The following ARHGAP28 variants were observed in gnomAD, a reference collection of about 807,000 sequenced individuals.
ARHGAP28 encodes the protein rho GTPase-activating protein 28.
A neutral mutation model predicts 90.7 loss-of-function variants in ARHGAP28; 56 were observed. The ratio of observed to expected loss-of-function variants is 0.62; its 90% confidence interval spans 0.50 to 0.77. The LOEUF (loss-of-function observed/expected upper bound fraction) is 0.77, where lower values mean the gene tolerates loss of function less well. ARHGAP28 is among the 30% of genes least tolerant of loss of function. The pLI is 0.00. For missense variants in ARHGAP28, 869 were observed against 900.9 expected (o/e 0.96, Z 0.45); for synonymous variants, 308 against 323.3 (o/e 0.95, Z 0.51).
At chr18:6,730,759 T>TG (rs754198588) in intron 1 of ARHGAP28, among the ~76,000 whole-genome samples, 1 of 152,198 alleles carries the variant, frequency 6.6e-6, no homozygotes, top group African/African-American at 2.4e-5. Flanking sequence ...GATACATATT[T>TG]GGGGGAAGTT....
chr18:6,910,914 G>A (rs1460468565), intron 17 of ARHGAP28, among the ~76,000 whole-genome samples: 5 of 151,432 alleles, frequency 3.3e-5, no homozygotes, highest in South Asian at 2.1e-4. Flanking sequence ...GCGCGATCTC[G>A]GCTCACTGCA....
At chr18:6,835,358 C>T (rs1477269487) in intron 2 of ARHGAP28, among the ~76,000 whole-genome samples, 1 of 152,178 alleles carries the variant, frequency 6.6e-6, no homozygotes. Flanking sequence ...TAACTCTTAA[C>T]TTAAAGGGCT....
intron 1 of ARHGAP28, among the ~76,000 whole-genome samples, chr18:6,814,958 A>C (rs896981495): frequency 3.3e-5 from 5 of 152,150 alleles, no homozygotes; most frequent in Admixed American, 1.3e-4. Flanking sequence ...ATTCTCTTTC[A>C]TAGATTCCTT....
At chr18:6,856,281 GCAAA>G (rs2056952986) in intron 4 of ARHGAP28, among the ~76,000 whole-genome samples, 1 of 151,708 alleles carries the variant, frequency 6.6e-6, no homozygotes, top group African/African-American at 2.4e-5. Context: ...ATAATTTTTG[GCAAA>G]CAAATTATTT....
chr18:6,828,371 A>G, intron 2 of ARHGAP28, among the ~76,000 whole-genome samples: 1 of 149,660 alleles, frequency 6.7e-6, no homozygotes, highest in Non-Finnish European at 1.5e-5. Context: ...CCGTGGGGAG[A>G]GGGAGAGACA....
At chr18:6,769,731 A>G (rs1379565576) in intron 1 of ARHGAP28, among the ~76,000 whole-genome samples, 3 of 152,320 alleles carry the variant, frequency 2.0e-5, no homozygotes, top group African/African-American at 7.2e-5. Flanking sequence ...TATACTGCAC[A>G]CTACCTTTGT....
intron 2 of ARHGAP28, 72 bp downstream of exon 2, chr18:6,825,036 G>A (rs2056652447): frequency 1.5e-6 from 2 of 1,322,860 alleles, no homozygotes; most frequent in South Asian, 1.5e-5. Context: ...TCTGTTCATA[G>A]GCAGAAATCA....
chr18:6,865,238 C>T (rs1052210006), intron 5 of ARHGAP28, among the ~76,000 whole-genome samples: 3 of 152,126 alleles, frequency 2.0e-5, no homozygotes, highest in Admixed American at 6.6e-5. Context: ...TTAATGTTCT[C>T]ATTGTCTTAA....
intron 1 of ARHGAP28, among the ~76,000 whole-genome samples, chr18:6,736,925 T>C (rs1753200246): frequency 6.6e-6 from 1 of 150,540 alleles, no homozygotes; most frequent in Admixed American, 6.6e-5. Context: ...GGAGATGTTA[T>C]CTGAACATCT....
At chr18:6,890,605 G>A (rs931139338) in intron 14 of ARHGAP28, 62 bp downstream of exon 14, 86 of 993,422 alleles carry the variant, frequency 8.7e-5, no homozygotes, top group Non-Finnish European at 1.2e-4. Context: ...CTCAAAGGGG[G>A]GCACAAAGTA....
chr18:6,878,461 A>G (rs1287259546), intron 10 of ARHGAP28, among the ~76,000 whole-genome samples: 2 of 151,890 alleles, frequency 1.3e-5, no homozygotes, highest in Non-Finnish European at 2.9e-5. Context: ...TAACCTGCAC[A>G]TTGTGCACAT....
At chr18:6,840,462 T>G (rs556511332) in intron 3 of ARHGAP28, among the ~76,000 whole-genome samples, 1 of 152,330 alleles carries the variant, frequency 6.6e-6, no homozygotes, top group South Asian at 2.1e-4. Context: ...GGGTATTTTT[T>G]GTGCACCTTC....
At chr18:6,737,773 A>G (rs1312934503) in intron 1 of ARHGAP28, among the ~76,000 whole-genome samples, 1 of 152,218 alleles carries the variant, frequency 6.6e-6, no homozygotes, top group African/African-American at 2.4e-5. Context: ...CAAAAACTTC[A>G]AGTTGCATTA....
At chr18:6,911,450 C>CTTTTTT (rs10678754) in intron 17 of ARHGAP28, among the ~76,000 whole-genome samples, 14 of 151,500 alleles carry the variant, frequency 9.2e-5, no homozygotes, top group East Asian at 7.8e-4. Context: ...CTTTTCTTTT[C>CTTTTTT]TTTGAGACGG....
intron 1 of ARHGAP28, among the ~76,000 whole-genome samples, chr18:6,737,038 C>T (rs2055935060): frequency 6.6e-6 from 1 of 152,068 alleles, no homozygotes; most frequent in South Asian, 2.1e-4. Context: ...AGGTAATTGC[C>T]ATGTTCTTAT....
chr18:6,908,112 T>C (rs1365666966), intron 16 of ARHGAP28, among the ~76,000 whole-genome samples: 1 of 149,070 alleles, frequency 6.7e-6, no homozygotes, highest in Non-Finnish European at 1.5e-5. Flanking sequence ...TATTTTATAG[T>C]TTATTTTATT....
intron 16 of ARHGAP28, among the ~76,000 whole-genome samples, chr18:6,906,102 ATAAAG>A (rs1320675487): frequency 3.9e-5 from 6 of 152,108 alleles, no homozygotes; most frequent in African/African-American, 1.2e-4. Context: ...AAAAAGAAAA[ATAAAG>A]TAGGAGGAAT....
chr18:6,732,103 T>G (rs200776894), intron 1 of ARHGAP28, among the ~76,000 whole-genome samples: 3 of 4,462 alleles, frequency 6.7e-4, no homozygotes, highest in African/African-American at 6.8e-4. Context: ...GTTTTTAAGG[T>G]TTTTTTTTTT....
intron 1 of ARHGAP28, among the ~76,000 whole-genome samples, chr18:6,749,019 C>G (rs190719733): frequency 2.0e-4 from 30 of 152,252 alleles, no homozygotes; most frequent in African/African-American, 6.0e-4. Flanking sequence ...TTTGCTTATC[C>G]TCATTCTAAG....
Sources: allele counts gnomAD v4.1 joint callset (sites outside exome capture counted in the v4.1 genomes callset), GRCh38; gene constraint gnomAD v4.1.1; transcripts MANE v1.5; gene names NCBI Gene and HGNC (gene_info 2026-07-23, HGNC 2026-07-21).